The following FFAR1 variants were observed in gnomAD, a reference collection of about 807,000 sequenced individuals.
The protein encoded by FFAR1 is free fatty acid receptor 1.
For missense variants in FFAR1, 424 were observed against 396.2 expected, an observed-to-expected ratio of 1.07 and a Z score of -0.60; for synonymous variants, 216 against 201.5, an observed-to-expected ratio of 1.07 and a Z score of -0.61.
At chr19:35,351,074 G>A (rs565563771), upstream of FFAR1, among the ~76,000 whole-genome samples, 121 of 152,252 alleles carry the variant, frequency 7.9e-4, no homozygotes, top group African/African-American at 2.6e-3. Flanking sequence ...GGTGGGGGGT[G>A]GGGGCAGCTC....
upstream of FFAR1, among the ~76,000 whole-genome samples, chr19:35,350,524 C>T (rs1007903024): frequency 5.3e-5 from 8 of 152,158 alleles, no homozygotes; most frequent in Middle Eastern, 3.2e-3. Context: ...GGGAATAGCG[C>T]TGGGTTGTGG....
exon 1 of FFAR1, chr19:35,352,725 C>A (rs1210341626): frequency 9.5e-6 from 5 of 525,824 alleles, no homozygotes; most frequent in Non-Finnish European, 1.4e-5. Context: ...CCCCTCTGCA[C>A]GTCCTCACCT....
At chr19:35,353,028 T>C (rs1371078350) in exon 1 of FFAR1, 1 of 161,096 alleles carries the variant, frequency 6.2e-6, no homozygotes, top group Non-Finnish European at 1.4e-5. Context: ...CCCGCAGTGA[T>C]GGGCAAAGGC....
exon 1 of FFAR1, chr19:35,352,025 G>A (rs1599701796): frequency 3.1e-6 from 5 of 1,614,036 alleles, no homozygotes; most frequent in Non-Finnish European, 4.2e-6. Context: ...ACACCTCCCT[G>A]GGCATCAACA....
chr19:35,349,378 A>G (rs868370050), upstream of FFAR1, among the ~76,000 whole-genome samples: 11 of 152,324 alleles, frequency 7.2e-5, no homozygotes, highest in South Asian at 4.1e-4. Flanking sequence ...GGAAAACCCA[A>G]TGGCTCCCCA....
chr19:35,351,546 G>A (rs148545938), upstream of FFAR1: 1,066 of 1,539,428 alleles, frequency 6.9e-4, 15 homozygotes, highest in East Asian at 0.023. Context: ...CCAGGACGGC[G>A]GCCCCATGGA....
upstream of FFAR1, among the ~76,000 whole-genome samples, chr19:35,350,024 G>A (rs554146168): frequency 2.6e-5 from 4 of 152,262 alleles, no homozygotes; most frequent in South Asian, 2.1e-4. Context: ...CTACGCAGCC[G>A]GCCGGTGCCA....
chr19:35,351,265 T>A (rs952691221), upstream of FFAR1, among the ~76,000 whole-genome samples: 1 of 152,194 alleles, frequency 6.6e-6, no homozygotes, highest in Non-Finnish European at 1.5e-5. Flanking sequence ...CTATCTCCTG[T>A]GACGCTGCAG....
chr19:35,349,034 A>G (rs2066933459), upstream of FFAR1, among the ~76,000 whole-genome samples: 2 of 152,168 alleles, frequency 1.3e-5, no homozygotes, highest in African/African-American at 4.8e-5. Context: ...GGTGGCCAGG[A>G]AGCTAGGGGG....
At chr19:35,352,350 T>C in exon 1 of FFAR1, 1 of 1,552,410 alleles carries the variant, frequency 6.4e-7, no homozygotes, top group Non-Finnish European at 8.7e-7. Flanking sequence ...CACGGGTGCC[T>C]GGAGTGTGGT....
rs571441443 is a variant in FFAR1 at position 35,352,090 on chromosome 19, G to A, written c.539G>A (p.Gly180Asp). The A allele has an allele frequency of 2.7e-5, 43 of 1,612,626 alleles. No homozygotes were observed. In the South Asian group the frequency reaches 4.7e-4, roughly 18 times the overall value. The change falls in exon 1 of 1, where the codon GGC becomes GAC. Residue 180 changes from glycine (G) to aspartate (D), a missense_variant. Physicochemically the swap from Gly to Asp is moderately conservative, Grantham distance 94. Coordinates refer to ENST00000246553, the Ensembl canonical transcript of FFAR1. ...GAGGCCTGGGACCCGGCCTCTGCCG[G>A]CCCGGCCCGCTTCAGCCTCTCTCTC...
chr19:35,348,450 T>C (rs1458128705), upstream of FFAR1, among the ~76,000 whole-genome samples: 1 of 152,084 alleles, frequency 6.6e-6, no homozygotes, highest in African/African-American at 2.4e-5. Context: ...AATACAAAAA[T>C]TAGCTGAGCG....
chr19:35,351,782 G>A (rs375191494), exon 1 of FFAR1: 7 of 1,584,198 alleles, frequency 4.4e-6, no homozygotes, highest in Non-Finnish European at 6.0e-6. Flanking sequence ...TGCCGGCCTC[G>A]CTGTGCCCCG....
upstream of FFAR1, among the ~76,000 whole-genome samples, chr19:35,348,022 C>G (rs550974333): frequency 5.6e-4 from 85 of 152,352 alleles, no homozygotes; most frequent in Non-Finnish European, 7.5e-4. Flanking sequence ...CTTTCTCCAC[C>G]CATTCACCTG....
exon 1 of FFAR1, chr19:35,353,576 A>G (rs1215229419): frequency 6.6e-6 from 1 of 152,262 alleles, no homozygotes; most frequent in East Asian, 1.9e-4. Flanking sequence ...AGTACATGTT[A>G]CTGAAAACAT....
chr19:35,349,292 G>A (rs978876124), upstream of FFAR1, among the ~76,000 whole-genome samples: 27 of 152,206 alleles, frequency 1.8e-4, no homozygotes, highest in African/African-American at 6.3e-4. Flanking sequence ...TGAGGCACCC[G>A]GGAAGGCCCT....
upstream of FFAR1, among the ~76,000 whole-genome samples, chr19:35,350,357 A>T (rs1412666342): frequency 6.6e-6 from 1 of 152,112 alleles, no homozygotes; most frequent in Non-Finnish European, 1.5e-5. Flanking sequence ...TACCCCACAC[A>T]CCCACTGCCA....
exon 1 of FFAR1, chr19:35,352,649 A>AG: frequency 1.6e-6 from 1 of 623,984 alleles, no homozygotes; most frequent in South Asian, 2.0e-5. Flanking sequence ...GCACGGTGGC[A>AG]GGGGGAGGTA....
At chr19:35,351,945 G>A (rs1361333005) in exon 1 of FFAR1, 1 of 1,614,012 alleles carries the variant, frequency 6.2e-7, no homozygotes, top group African/African-American at 1.3e-5. Flanking sequence ...GGCCATCTGG[G>A]CCCTCGTCCT....
Sources: allele counts gnomAD v4.1 joint callset (sites outside exome capture counted in the v4.1 genomes callset), GRCh38; gene constraint gnomAD v4.1.1; transcripts MANE v1.5; gene names NCBI Gene and HGNC (gene_info 2026-07-23, HGNC 2026-07-21).